SLC2A5: variants seen among roughly 807,000 people sequenced by gnomAD.
SLC2A5 encodes the protein solute carrier family 2 member 5.
SLC2A5 carries 56 observed loss-of-function variants against 50.3 expected under a neutral mutation model. The ratio of observed to expected loss-of-function variants is 1.11; its 90% CI spans 0.90 to 1.39. The LOEUF is 1.39. Ranked by LOEUF, SLC2A5 falls within the 40% of genes most tolerant of loss-of-function variation. The probability of loss-of-function intolerance (pLI) is 0.00; values close to 1 mark genes in which losing one functional copy is unlikely to be tolerated. For synonymous variants in SLC2A5, 269 were observed against 281.9 expected, an observed-to-expected ratio of 0.95 and a Z score of 0.46; for missense variants, 566 against 650.1, an observed-to-expected ratio of 0.87 and a Z score of 1.41.
chr1:9,057,474 G>C lies in SLC2A5; in HGVS notation c.267C>G (p.Val89=). 5.6e-6 allele frequency: 9 copies of C among 1,613,496 alleles called. No homozygotes were observed. Among genetic ancestry groups the C allele is most frequent in the Non-Finnish European group, 7.6e-6 (9 of 1,179,830 alleles). The change falls in exon 3 of 12, where the codon GTC becomes GTG. Residue 89 remains valine, a synonymous_variant. Transcript: ENST00000377424. ...PFGGFIGSLL[V]GPLVNKFGRK... is the part of the protein sequence containing the mutation. Reference sequence around the variant, plus strand: ...TGCCAAATTTATTCACCAAGGGGCCGACCAGGAGGGATCCGATAAACCCTC... The same window carrying C: ...TGCCAAATTTATTCACCAAGGGGCCCACCAGGAGGGATCCGATAAACCCTC...
chr1:9,083,668 C>CA (rs1440296113), intron 2 of SLC2A5, among the ~76,000 whole-genome samples: 3 of 151,758 alleles, frequency 2.0e-5, no homozygotes, highest in African/African-American at 7.3e-5. Flanking sequence ...GCTAATAATA[C>CA]AAAAAAATTA....
upstream of SLC2A5, among the ~76,000 whole-genome samples, chr1:9,089,328 T>C (rs536386067): frequency 6.6e-6 from 1 of 152,176 alleles, no homozygotes; most frequent in Non-Finnish European, 1.5e-5. Flanking sequence ...TTATCACACC[T>C]CATTGAAGCT....
chr1:9,072,129 G>C (rs975794400), upstream of SLC2A5: 10 of 152,334 alleles, frequency 6.6e-5, 1 homozygote, highest in Admixed American at 6.6e-4. Flanking sequence ...CCCAACCTTC[G>C]TGGCGGGCGG....
intron 8 of SLC2A5, 45 bp from the exon 9 acceptor site, chr1:9,038,974 C>T: frequency 6.3e-7 from 1 of 1,588,658 alleles, no homozygotes. Flanking sequence ...CCCAGCTTCA[C>T]CTCCCTCCAG....
intron 1 of SLC2A5, among the ~76,000 whole-genome samples, chr1:9,062,775 G>A (rs1403270076): frequency 6.6e-6 from 1 of 152,168 alleles, no homozygotes; most frequent in Non-Finnish European, 1.5e-5. Context: ...GGGAGGCTAA[G>A]GCAGGAGAAT....
intron 10 of SLC2A5, 21 bp downstream of exon 10, chr1:9,038,410 A>C (rs1383744557): frequency 1.3e-6 from 2 of 1,596,468 alleles, no homozygotes; most frequent in South Asian, 2.2e-5. Context: ...TGACACCCTG[A>C]GGCCAGCTTT....
chr1:9,042,530 GGTGT>G (rs141094729), intron 4 of SLC2A5, among the ~76,000 whole-genome samples: 5,359 of 147,128 alleles, frequency 0.036, 144 homozygotes, highest in Non-Finnish European at 0.058. Context: ...GACATGGCCT[GGTGT>G]GTGTGTGTGT....
upstream of SLC2A5, among the ~76,000 whole-genome samples, chr1:9,070,510 G>T (rs1642192571): frequency 6.6e-6 from 1 of 152,098 alleles, no homozygotes; most frequent in African/African-American, 2.4e-5. Context: ...AGTCACACCT[G>T]CTGGTCCGGG....
At chr1:9,047,233 T>C (rs1220378399) in intron 4 of SLC2A5, among the ~76,000 whole-genome samples, 1 of 152,174 alleles carries the variant, frequency 6.6e-6, no homozygotes, top group Non-Finnish European at 1.5e-5. Flanking sequence ...AGTAGCTGGA[T>C]TGCAGGTGTG....
At chr1:9,047,326 C>A (rs1186167721) in intron 4 of SLC2A5, among the ~76,000 whole-genome samples, 5 of 152,132 alleles carry the variant, frequency 3.3e-5, no homozygotes, top group Admixed American at 1.3e-4. Context: ...CTGGTCATGA[C>A]CTGCAGTTGA....
intron 2 of SLC2A5, among the ~76,000 whole-genome samples, chr1:9,083,563 C>T (rs1414286487): frequency 6.6e-6 from 1 of 152,184 alleles, no homozygotes; most frequent in Non-Finnish European, 1.5e-5. Context: ...TGGCTCATGC[C>T]TGTAATCCCA....
Position 9,068,328 on chromosome 1 carries a change from C to T in SLC2A5, c.33+1176G>A, listed in dbSNP as rs182132259. ...ACCCTATGAGGCGGTATGGTTATTA[C>T]TCCCATTTTACAAATGAGAAAACTG... On this transcript the variant is annotated intron_variant, in intron 1 of 11. Transcript: ENST00000377424. Among the ~76,000 whole-genome samples, 359 of 151,926 alleles carry T rather than the reference C, an allele frequency of 2.4e-3. 2 individuals are homozygous for T. Among genetic ancestry groups the T allele is most frequent in the Middle Eastern group, 6.8e-3 (2 of 294 alleles).
the SLC2A5 span, among the ~76,000 whole-genome samples, chr1:9,093,545 C>T: frequency 9.2e-5 from 14 of 152,320 alleles, no homozygotes; most frequent in African/African-American, 3.4e-4. Flanking sequence ...TCCCACTGTA[C>T]ATCCTGATCA....
At chr1:9,043,703 C>T (rs545973364) in intron 4 of SLC2A5, among the ~76,000 whole-genome samples, 5 of 150,158 alleles carry the variant, frequency 3.3e-5, no homozygotes, top group Middle Eastern at 7.0e-3. Context: ...AGTTCTGATA[C>T]GAGAATCAGA....
upstream of SLC2A5, chr1:9,069,790 C>G: frequency 1.8e-6 from 1 of 540,918 alleles, no homozygotes. Context: ...CCAGCATTGT[C>G]CTGATGGAAC....
At chr1:9,084,711 T>TG (rs1642386564) in intron 2 of SLC2A5, among the ~76,000 whole-genome samples, 1 of 152,176 alleles carries the variant, frequency 6.6e-6, no homozygotes, top group Non-Finnish European at 1.5e-5. Context: ...AGCAGCCCTA[T>TG]GGGGGCAGCC....
At chr1:9,058,054 G>T in intron 2 of SLC2A5, 98 bp downstream of exon 2, 1 of 835,612 alleles carries the variant, frequency 1.2e-6, no homozygotes, top group Non-Finnish European at 2.0e-6. Flanking sequence ...CTTTGCTTCA[G>T]GACCCACTGC....
chr1:9,051,355 A>T (rs940394666), intron 3 of SLC2A5, among the ~76,000 whole-genome samples: 9 of 152,196 alleles, frequency 5.9e-5, no homozygotes, highest in Non-Finnish European at 1.3e-4. Flanking sequence ...CACTGTTAAG[A>T]GGATGAAAAG....
In SLC2A5 at chr1:9,040,577, G is replaced by A. The variant is rs1641273925; in HGVS notation, c.572-388C>T. On this transcript the variant is annotated intron_variant, in intron 5 of 11. Transcript: ENST00000377424. The surrounding 1 kb of genome is among the most constrained non-coding windows in gnomAD (Gnocchi z 4.3). ...CCACCAGGATGCCTGAACTGGAATGGTCACGGCAGCTCTGATTACAGAAAG... is the reference window on the plus strand; with the variant it reads ...CCACCAGGATGCCTGAACTGGAATGATCACGGCAGCTCTGATTACAGAAAG... The A allele has an allele frequency of 4.7e-6, 1 of 210,804 alleles. No homozygotes were observed. The highest frequency in any genetic ancestry group is 9.6e-6 in the Non-Finnish European group (1 of 104,220). The allele number at this position is 210,804 out of a possible 1,614,324, so 13.1% of individuals were successfully genotyped here.
Sources: allele counts gnomAD v4.1 joint callset (sites outside exome capture counted in the v4.1 genomes callset), GRCh38; gene constraint gnomAD v4.1.1; non-coding constraint Gnocchi (gnomAD v3.1); transcripts MANE v1.5; gene names NCBI Gene and HGNC (gene_info 2026-07-23, HGNC 2026-07-21).